Variants in PTGS2 observed in about 807,000 individuals in gnomAD.
PTGS2 encodes the protein prostaglandin-endoperoxide synthase 2, also known as prostaglandin G/H synthase 2.
In PTGS2, 14 loss-of-function variants were observed where a neutral mutation model predicts 63.8. The observed-to-expected ratio is 0.22, with a 90% CI of 0.14 to 0.34. PTGS2 has a LOEUF of 0.34. PTGS2 is among the 10% of genes least tolerant of loss of function. PTGS2 has a pLI of 1.00. For synonymous variants in PTGS2, 271 were observed against 259.5 expected, an observed-to-expected ratio of 1.04 and a Z score of -0.43; for missense variants, 533 against 738.5, an observed-to-expected ratio of 0.72 and a Z score of 3.23.
intron 1 of PTGS2, among the ~76,000 whole-genome samples, chr1:186,679,999 A>G (rs1665848875): frequency 6.6e-6 from 1 of 152,228 alleles, no homozygotes; most frequent in African/African-American, 2.4e-5. Flanking sequence ...ATCCCTATTT[A>G]GGAGGTGAGA....
In PTGS2 at chr1:186,675,416, T is replaced by C; in HGVS notation, c.1258-20A>G. On this transcript the variant is annotated intron_variant, in intron 8 of 9. Transcript: ENST00000367468. ...AGCAACCTGTGGAAAGTAAAATTAG[T>C]TGTAAAACAAGAATTTTAGGCATAT... The C allele has an allele frequency of 6.2e-7, 1 of 1,605,912 alleles. No homozygotes were observed.
Position 186,675,924 on chromosome 1 carries a change from A to T in PTGS2, c.1231T>A (p.Ser411Thr). ...LEHGITQFVE[S>T]FTRQIAGRVA... ...CTGCCAGCAATTTGCCTGGTGAATG[A>T]TTCAACAAACTGGGTAATTCCATGT... The change falls in exon 8 of 10, where the codon TCA (serine) becomes ACA (threonine). Residue 411 changes from serine (S) to threonine (T), a missense_variant. By Grantham distance (58) the Ser-to-Thr change is moderately conservative (BLOSUM62 1). This residue lies in a region of PTGS2 where 219 missense variants were observed against 267.4 expected (regional missense o/e 0.82). Coordinates refer to ENST00000367468, the MANE Select transcript of PTGS2 (RefSeq NM_000963.4). 6.2e-7 allele frequency: 1 copy of T among 1,612,616 alleles called. No individual in the cohort carries two copies. The highest frequency in any genetic ancestry group is 8.5e-7 in the Non-Finnish European group (1 of 1,178,856).
In PTGS2 at chr1:186,675,964, G is replaced by A; in HGVS notation, c.1191C>T (p.Asn397=). 1 of 1,613,994 alleles carries A rather than the reference G, an allele frequency of 6.2e-7. No individual in the cohort carries two copies. Among genetic ancestry groups the A allele is most frequent in the Non-Finnish European group, 8.5e-7 (1 of 1,179,918 alleles). ...KYNYQQFIYN[N]SILLEHGITQ... ...TAATTCCATGTTCCAGCAATATAGA[G>A]TTGTTGTAGATAAACTGTTGATAGT... The change falls in exon 8 of 10, where the codon AAC becomes AAT. Residue 397 remains asparagine (N), a synonymous_variant. Coordinates refer to ENST00000367468, the MANE Select transcript of PTGS2 (RefSeq NM_000963.4).
Position 186,676,032 on chromosome 1 carries a change from G to A in PTGS2, c.1123C>T (p.Pro375Ser), listed in dbSNP as rs1389494413. 6.2e-7 allele frequency: 1 copy of A among 1,613,944 alleles called. No individual in the cohort carries two copies. Among genetic ancestry groups the A allele is most frequent in the African/African-American group, 1.3e-5 (1 of 74,898 alleles). Reference protein sequence around the residue: ...AEFNTLYHWHPLLPDTFQIHD... With the variant: ...AEFNTLYHWHSLLPDTFQIHD... Reference sequence around the variant, plus strand: ...ATTTGAAAGGTGTCAGGCAGAAGGGGATGCCAGTGATAGAGGGTGTTAAAT... The same window carrying A: ...ATTTGAAAGGTGTCAGGCAGAAGGGAATGCCAGTGATAGAGGGTGTTAAAT... Residue 375 changes from proline to serine, a missense_variant, in exon 8 of 10, where the codon CCC becomes TCC. Physicochemically the swap from Pro to Ser is moderately conservative, Grantham distance 74 (BLOSUM62 -1). Around this residue, in one of 5 missense-constraint regions of PTGS2, gnomAD observed 67 missense variants for 152.6 expected, o/e 0.44. Coordinates refer to ENST00000367468, the MANE Select transcript of PTGS2 (RefSeq NM_000963.4).
intron 8 of PTGS2, 140 bp downstream of exon 8, chr1:186,675,758 G>T (rs544382263): frequency 3.2e-6 from 3 of 950,626 alleles, no homozygotes; most frequent in African/African-American, 1.7e-5. Context: ...ACAAAGTTAG[G>T]CTTCTTATAT....
At chr1:186,677,603 G>A in intron 5 of PTGS2, 46 bp downstream of exon 5, 1 of 1,488,164 alleles carries the variant, frequency 6.7e-7, no homozygotes, top group East Asian at 2.4e-5. Flanking sequence ...CCTTGACTAT[G>A]ATTTGGTATA....
intron 6 of PTGS2, 30 bp from the exon 7 acceptor site, chr1:186,676,743 A>G (rs760913654): frequency 9.4e-6 from 15 of 1,598,648 alleles, no homozygotes; most frequent in Non-Finnish European, 1.3e-5. Context: ...AATAAACATC[A>G]GTTAAAAAGT....
At position 186,673,084 on chromosome 1, in the gene PTGS2, T is replaced by C. The variant is rs937912400; in HGVS notation, c.*1269A>G. ...GAGAAGACTGTGTCTCTTAGCAAAA[T>C]GGCTAAAAGAAGAAAAGAAAAGGAA... is the stretch of plus-strand genomic sequence containing the variant. On this transcript the variant is annotated 3_prime_UTR_variant, in exon 10 of 10. Coordinates refer to ENST00000367468, the MANE Select transcript of PTGS2 (RefSeq NM_000963.4). 3 of 151,974 alleles carry C rather than the reference T, an allele frequency of 2.0e-5. No individual in the cohort carries two copies. The highest frequency in any genetic ancestry group is 2.9e-5 in the Non-Finnish European group (2 of 67,954). The allele number at this position is 151,974 out of a possible 1,614,324, so 9.4% of individuals were successfully genotyped here. A position where few individuals can be genotyped will look rare whatever the true frequency, so the allele number is the denominator to read the frequency against.
intron 9 of PTGS2, 91 bp from the exon 10 acceptor site, chr1:186,674,853 T>A: frequency 7.1e-7 from 1 of 1,401,800 alleles, no homozygotes; most frequent in Non-Finnish European, 9.6e-7. Context: ...TGCTGCCAAC[T>A]TCTCTGTTTC....
rs1474233206 is a variant in PTGS2 at position 186,674,823 on chromosome 1, T to C, written c.1406-61A>G. ...TCAAACTTCACAAAATAAAAAACAG[T>C]TTGATTCTTTTGCTCAATTTGCTGC... On this transcript the variant is annotated intron_variant, in intron 9 of 9. Coordinates refer to ENST00000367468, the MANE Select transcript of PTGS2 (RefSeq NM_000963.4). 2.7e-6 allele frequency: 4 copies of C among 1,498,008 alleles called. No individual in the cohort carries two copies. In the African/African-American group the frequency reaches 5.6e-5, roughly 21 times the overall value. The allele number at this position is 1,498,008 out of a possible 1,614,324, so 92.8% of individuals were successfully genotyped here. A position where few individuals can be genotyped will look rare whatever the true frequency, so the allele number is the denominator to read the frequency against.
intron 5 of PTGS2, among the ~76,000 whole-genome samples, chr1:186,677,194 A>G (rs531653498): frequency 5.3e-5 from 8 of 152,220 alleles, no homozygotes; most frequent in Admixed American, 3.9e-4. Flanking sequence ...GGTAATTATA[A>G]AAAAGTATAA....
Position 186,679,112 on chromosome 1 carries a change from C to A in PTGS2, c.259G>T (p.Val87Phe). 6.2e-7 allele frequency: 1 copy of A among 1,614,150 alleles called. No individual in the cohort carries two copies. Among genetic ancestry groups the A allele is most frequent in the Non-Finnish European group, 8.5e-7 (1 of 1,180,014 alleles). The change falls in exon 3 of 10, where the codon GTT (valine) becomes TTT (phenylalanine). Residue 87 changes from valine (V) to phenylalanine (F), a missense_variant. By Grantham distance (50) the Val-to-Phe change is conservative (BLOSUM62 -1). Around this residue, in one of 5 missense-constraint regions of PTGS2, gnomAD observed 118 missense variants for 144.6 expected, o/e 0.82. Coordinates refer to ENST00000367468, the MANE Select transcript of PTGS2 (RefSeq NM_000963.4). The part of the protein sequence containing the change: ...ILTHFKGFWN[V>F]VNNIPFLRNA... ...CGAAGGAAGGGAATGTTATTCACAA[C>A]GTTCCAAAATCCCTTGAAGTGGGTA...
rs200236080 is a variant in PTGS2 at position 186,674,773 on chromosome 1, G to A, written c.1406-11C>T. The A allele has an allele frequency of 1.9e-6, 3 of 1,590,464 alleles. No individual in the cohort carries two copies. The highest frequency in any genetic ancestry group is 2.6e-6 in the Non-Finnish European group (3 of 1,169,376). ...ACATTTCCTTTTCTCCTGTGAAGGCGATGAAGACAGAGATACAACCAATGT... is the reference window on the plus strand; with the variant it reads ...ACATTTCCTTTTCTCCTGTGAAGGCAATGAAGACAGAGATACAACCAATGT... On this transcript the variant is annotated splice_polypyrimidine_tract_variant and intron_variant, in intron 9 of 9. Coordinates refer to ENST00000367468, the MANE Select transcript of PTGS2 (RefSeq NM_000963.4).
Position 186,674,560 on chromosome 1 carries a change from A to G in PTGS2, c.1608T>C (p.Phe536=). ...TGATTTGAAAACCCACTTCTCCACC[A>G]AAAGTGCTTGGCTTCCAGTAGGCAG... is the stretch of plus-strand genomic sequence containing the variant. ...CSPAYWKPST[F]GGEVGFQIIN... is the part of the protein sequence containing the mutation. Residue 536 remains phenylalanine (F), a synonymous_variant, in exon 10 of 10, where the codon TTT becomes TTC. Transcript: ENST00000367468. The G allele has an allele frequency of 6.2e-7, 1 of 1,614,240 alleles. No individual in the cohort carries two copies. The highest frequency in any genetic ancestry group is 8.5e-7 in the Non-Finnish European group (1 of 1,180,036).
intron 6 of PTGS2, 28 bp from the exon 7 acceptor site, chr1:186,676,741 T>A: frequency 2.5e-6 from 4 of 1,599,098 alleles, no homozygotes; most frequent in Non-Finnish European, 3.4e-6. Context: ...TAAATAAACA[T>A]CAGTTAAAAA....
chr1:186,678,980 T>C, intron 3 of PTGS2, 78 bp downstream of exon 3: 1 of 1,469,152 alleles, frequency 6.8e-7, no homozygotes, highest in Non-Finnish European at 9.1e-7. Context: ...AAATATGTTT[T>C]TAGATTAGGC....
In PTGS2 at chr1:186,676,696, C is replaced by T. The variant is rs186230736; in HGVS notation, c.741G>A (p.Met247Ile). ...KMKYQIIDGE[M>I]YPPTVKDTQA... Reference sequence around the variant, plus strand: ...GAGTATCTTTGACTGTGGGAGGATACATCTCTCCATCAATTATCTAAAAAA... The same window carrying T: ...GAGTATCTTTGACTGTGGGAGGATATATCTCTCCATCAATTATCTAAAAAA... Residue 247 changes from methionine (M) to isoleucine (I), a missense_variant, in exon 7 of 10, where the codon ATG becomes ATA. Around this residue, in one of 5 missense-constraint regions of PTGS2, gnomAD observed 118 missense variants for 138.7 expected, o/e 0.85. Coordinates refer to ENST00000367468, the MANE Select transcript of PTGS2 (RefSeq NM_000963.4). 1.0e-4 allele frequency: 167 copies of T among 1,610,956 alleles called. 1 individual carries two copies. Among genetic ancestry groups the T allele is most frequent in the Non-Finnish European group, 2.7e-5 (32 of 1,178,508 alleles).
intron 1 of PTGS2, 86 bp from the exon 2 acceptor site, chr1:186,679,524 T>C (rs1460885287): frequency 1.1e-5 from 11 of 1,024,058 alleles, no homozygotes; most frequent in South Asian, 4.3e-5. Context: ...GAATCAACTT[T>C]ACAATAATAA....
At position 186,680,257 on chromosome 1, in the gene PTGS2, G is replaced by A. The variant is rs755298351; in HGVS notation, c.34C>T (p.Leu12=). The A allele has an allele frequency of 6.5e-7, 1 of 1,547,688 alleles. No individual in the cohort carries two copies. Among genetic ancestry groups the A allele is most frequent in the Non-Finnish European group, 8.7e-7 (1 of 1,145,636 alleles). Residue 12 remains leucine (L), a synonymous_variant, in exon 1 of 10, where the codon CTG becomes TTG. Transcript: ENST00000367468. ...LARALLLCAV[L]ALSHTANPCC... Reference sequence around the variant, plus strand: ...TACTCACCTGTATGGCTGAGCGCCAGGACCGCGCACAGCAGCAGGGCGCGG... The same window carrying A: ...TACTCACCTGTATGGCTGAGCGCCAAGACCGCGCACAGCAGCAGGGCGCGG...
Sources: gnomAD v4.1 joint callset for allele counts (sites outside exome capture counted in the v4.1 genomes callset) on GRCh38, gnomAD v4.1.1 for gene constraint, gnomAD v4.1.1 regional missense constraint, MANE v1.5 for transcripts, NCBI Gene and HGNC (gene_info 2026-07-23, HGNC 2026-07-21) for gene names.